The following GSR variants were observed in gnomAD, a reference collection of about 807,000 sequenced individuals.
The protein encoded by GSR is glutathione reductase, mitochondrial.
GSR carries 48 observed loss-of-function variants against 56.5 expected under a neutral mutation model. The ratio of observed to expected loss-of-function variants is 0.85; its 90% confidence interval spans 0.67 to 1.08. The LOEUF (loss-of-function observed/expected upper bound fraction) is 1.08, where lower values mean the gene tolerates loss of function less well. GSR is among the 50% of genes least tolerant of loss of function. The pLI is 0.00. For missense variants in GSR, 694 were observed against 703.3 expected (o/e 0.99, Z 0.15); for synonymous variants, 264 against 270.8 (o/e 0.97, Z 0.25).
chr8:30,688,712 C>T (rs1803249995), intron 9 of GSR, among the ~76,000 whole-genome samples: 1 of 149,750 alleles, frequency 6.7e-6, no homozygotes, highest in Admixed American at 6.6e-5. Context: ...ATCGCTTGAG[C>T]CGAGGAGACC....
intron 7 of GSR, 54 bp downstream of exon 7, chr8:30,696,323 ATTC>A (rs1262666824): frequency 1.1e-5 from 13 of 1,203,142 alleles, no homozygotes; most frequent in Non-Finnish European, 1.6e-5. Context: ...ATAAGAAAAA[ATTC>A]TTCATTTTTT....
Position 30,695,515 on chromosome 8 carries a change from G to A in GSR, c.795+865C>T, listed in dbSNP as rs114469356. On this transcript the variant is annotated intron_variant, in intron 7 of 12. Transcript: ENST00000221130. ...TCCCAAAGTGCTGGGAATTAGAGGC[G>A]TGAGCCACTGTGCCCAGTCTGCAAT... Among the ~76,000 whole-genome samples, 1,062 of 152,156 alleles carry A rather than the reference G, an allele frequency of 7.0e-3. 17 individuals carry two copies. The highest frequency in any genetic ancestry group is 0.024 in the African/African-American group (990 of 41,504).
Position 30,681,961 on chromosome 8 carries a change from G to A in GSR, c.1254C>T (p.His418=), listed in dbSNP as rs1438428383. The change falls in exon 11 of 13, where the codon CAC becomes CAT. Residue 418 remains histidine (H), a synonymous_variant. Transcript: ENST00000221130. ...YNNIPTVVFS[H]PPIGTVGLTE... is the part of the protein sequence containing the mutation. Reference sequence around the variant, plus strand: ...TGAGTCCCACTGTCCCAATAGGGGGGTGGCTGAAGACCACAGTTGGGATGT... The same window carrying A: ...TGAGTCCCACTGTCCCAATAGGGGGATGGCTGAAGACCACAGTTGGGATGT... 4 of 1,613,174 alleles carry A rather than the reference G, an allele frequency of 2.5e-6. No individual in the cohort carries two copies. Among genetic ancestry groups the A allele is most frequent in the Non-Finnish European group, 3.4e-6 (4 of 1,179,258 alleles).
At chr8:30,726,459 AAAC>A (rs1305807895) in intron 1 of GSR, among the ~76,000 whole-genome samples, 1 of 152,174 alleles carries the variant, frequency 6.6e-6, no homozygotes, top group Non-Finnish European at 1.5e-5. Flanking sequence ...AATAACTTGG[AAAC>A]AACATTTATT....
At chr8:30,703,023 A>G in intron 5 of GSR, 70 bp downstream of exon 5, 3 of 1,500,664 alleles carry the variant, frequency 2.0e-6, no homozygotes, top group Non-Finnish European at 2.8e-6. Context: ...ATCCCCTGGC[A>G]TGGCTTTTCA....
intron 1 of GSR, among the ~76,000 whole-genome samples, chr8:30,727,313 G>C (rs1034973721): frequency 6.6e-6 from 1 of 152,200 alleles, no homozygotes; most frequent in African/African-American, 2.4e-5. Flanking sequence ...TGCGGAAGCA[G>C]ACGCTGGCTC....
chr8:30,684,258 C>A, intron 9 of GSR, 59 bp from the exon 10 acceptor site: 1 of 927,648 alleles, frequency 1.1e-6, no homozygotes, highest in South Asian at 1.3e-5. Context: ...AAAGGTAGAT[C>A]AAACCTCTGG....
chr8:30,684,941 ATT>A, intron 9 of GSR, among the ~76,000 whole-genome samples: 1 of 28,274 alleles, frequency 3.5e-5, no homozygotes, highest in African/African-American at 1.3e-4. Context: ...TTATTTATTT[ATT>A]TATTTATTTA....
At chr8:30,709,412 G>A (rs1804029373) in intron 3 of GSR, among the ~76,000 whole-genome samples, 1 of 152,040 alleles carries the variant, frequency 6.6e-6, no homozygotes, top group Non-Finnish European at 1.5e-5. Flanking sequence ...CTACAACATG[G>A]ACAAACCGTG....
At chr8:30,725,373 CAGG>C (rs1804690290) in intron 1 of GSR, among the ~76,000 whole-genome samples, 1 of 151,078 alleles carries the variant, frequency 6.6e-6, no homozygotes, top group Non-Finnish European at 1.5e-5. Context: ...ATCACAAGGT[CAGG>C]AGTTCAAGAC....
At chr8:30,726,333 T>G (rs1166473845) in intron 1 of GSR, among the ~76,000 whole-genome samples, 1 of 152,194 alleles carries the variant, frequency 6.6e-6, no homozygotes, top group African/African-American at 2.4e-5. Flanking sequence ...TGACATAATT[T>G]AAATATTCAT....
chr8:30,708,118 G>A lies in GSR; in HGVS notation c.446C>T (p.Ala149Val), dbSNP rs1343035060. Residue 149 changes from alanine to valine, a missense_variant, in exon 4 of 13, where the codon GCC (alanine) becomes GTC (valine). Physicochemically the swap from Ala to Val is moderately conservative, Grantham distance 64. Transcript: ENST00000221130. ...NWRVIKEKRD[A>V]YVSRLNAIYQ... Reference sequence around the variant, plus strand: ...GATGGCATTCAGGCGGCTCACATAGGCATCCCGCTTTTCCTTAATAACACT... The same window carrying A: ...GATGGCATTCAGGCGGCTCACATAGACATCCCGCTTTTCCTTAATAACACT... 3 of 1,612,828 alleles carry A rather than the reference G, an allele frequency of 1.9e-6. No individual in the cohort carries two copies. In the East Asian group the frequency reaches 6.7e-5, roughly 36 times the overall value.
chr8:30,696,402 G>A lies in GSR; in HGVS notation c.773C>T (p.Ser258Leu), dbSNP rs1803541756. 1 of 1,605,444 alleles carries A rather than the reference G, an allele frequency of 6.2e-7. No individual in the cohort carries two copies. The highest frequency in any genetic ancestry group is 1.1e-5 in the South Asian group (1 of 90,912). Reference sequence around the variant, plus strand: ...TACCTTATCATGCCGTATCATCAGTGATGTCTTAGAACCCAGGGCTGACAG... The same window carrying A: ...TACCTTATCATGCCGTATCATCAGTAATGTCTTAGAACCCAGGGCTGACAG... ...GILSALGSKT[S>L]LMIRHDKVLR... Residue 258 changes from serine to leucine, a missense_variant, in exon 7 of 13, where the codon TCA becomes TTA. Physicochemically the swap from Ser to Leu is moderately radical, Grantham distance 145 (BLOSUM62 -2). Coordinates refer to ENST00000221130, the MANE Select transcript of GSR (RefSeq NM_000637.5).
chr8:30,694,272 T>G (rs1441531697), intron 7 of GSR, among the ~76,000 whole-genome samples: 1 of 152,138 alleles, frequency 6.6e-6, no homozygotes, highest in Admixed American at 6.6e-5. Context: ...ATCTGATAAA[T>G]TCTGTCCCTG....
At chr8:30,707,886 G>A (rs1480015488) in intron 4 of GSR, among the ~76,000 whole-genome samples, 186 bp downstream of exon 4, 1 of 151,866 alleles carries the variant, frequency 6.6e-6, no homozygotes, top group Non-Finnish European at 1.5e-5. Flanking sequence ...GAACTCAGGA[G>A]GCGGAGGTTG....
chr8:30,681,093 T>G (rs770010742), intron 11 of GSR, 56 bp from the exon 12 acceptor site: 5 of 1,419,456 alleles, frequency 3.5e-6, no homozygotes, highest in Non-Finnish European at 5.0e-6. Flanking sequence ...TACACTGAAC[T>G]ATCAAAGAGG....
At chr8:30,703,014 TC>T in intron 5 of GSR, 78 bp downstream of exon 5, 1 of 1,436,364 alleles carries the variant, frequency 7.0e-7, no homozygotes, top group Admixed American at 1.7e-5. Flanking sequence ...TTTAGGCAGA[TC>T]CCCTGGCATG....
rs1802822467 is a variant in GSR at position 30,678,482 on chromosome 8, T to A, written c.*1038A>T. 1 of 151,294 alleles carries A rather than the reference T, an allele frequency of 6.6e-6. No individual in the cohort carries two copies. Among genetic ancestry groups the A allele is most frequent in the Admixed American group, 6.6e-5 (1 of 15,054 alleles). 9.4% of individuals were successfully genotyped at this position (151,294 alleles called of 1,614,324 possible). A position where few individuals can be genotyped will look rare whatever the true frequency, so the allele number is the denominator to read the frequency against. The stretch of plus-strand genomic sequence containing the variant: ...CTCAAGTGATCCTCTCACCTCAGCC[T>A]CCCAAGTAGCTGAGATTACAGATGC... On this transcript the variant is annotated 3_prime_UTR_variant, in exon 13 of 13. Transcript: ENST00000221130.
At chr8:30,710,714 CAAAAAAAAAAAAAA>C (rs60532553) in intron 2 of GSR, among the ~76,000 whole-genome samples, 3 of 51,044 alleles carry the variant, frequency 5.9e-5, no homozygotes, top group Non-Finnish European at 7.5e-5. Flanking sequence ...GACTCTGTCT[CAAAAAAAAAAAAAA>C]AAAAAAAAAA....
Sources: allele counts gnomAD v4.1 joint callset (sites outside exome capture counted in the v4.1 genomes callset), GRCh38; gene constraint gnomAD v4.1.1; transcripts MANE v1.5; gene names NCBI Gene and HGNC (gene_info 2026-07-23, HGNC 2026-07-21).